SDK2: variants seen among roughly 807,000 people sequenced by gnomAD.
SDK2 encodes sidekick cell adhesion molecule 2, also known as protein sidekick-2.
SDK2 carries 105 observed loss-of-function variants against 253.9 expected under a neutral mutation model. The ratio of observed to expected loss-of-function variants is 0.41; its 90% CI spans 0.35 to 0.49. The LOEUF is 0.49. Ranked by LOEUF, SDK2 falls within the 20% of genes least tolerant of loss-of-function variation. SDK2 has a pLI of 0.06. For synonymous variants in SDK2, 1,249 were observed against 1,234.9 expected, an observed-to-expected ratio of 1.01 and a Z score of -0.24; for missense variants, 2,608 against 3,003.0, an observed-to-expected ratio of 0.87 and a Z score of 3.07.
intron 41 of SDK2, among the ~76,000 whole-genome samples, chr17:73,351,530 G>A (rs1296447360): frequency 6.6e-6 from 1 of 152,218 alleles, no homozygotes; most frequent in Non-Finnish European, 1.5e-5. Flanking sequence ...CTGAGGTTTA[G>A]TTTGGAGTGA....
chr17:73,497,865 C>T (rs144048976), intron 2 of SDK2, among the ~76,000 whole-genome samples: 1 of 152,332 alleles, frequency 6.6e-6, no homozygotes, highest in Non-Finnish European at 1.5e-5. Flanking sequence ...AACGCCCCTA[C>T]TTGATCTCGC....
Position 73,383,806 on chromosome 17 carries a change from C to G in SDK2, c.4705+70G>C. On this transcript the variant is annotated intron_variant, in intron 33 of 44. Coordinates refer to ENST00000392650, the MANE Select transcript of SDK2 (RefSeq NM_001144952.2). This position sits in a 1 kb window ranked among gnomAD's most constrained non-coding sequence, Gnocchi z 4.3. Reference sequence around the variant, plus strand: ...TAGAGTGGTTCCAGGAAGCTGAGAGCTCCAGAGCGGGAAGGTGAGGGTGAC... The same window carrying G: ...TAGAGTGGTTCCAGGAAGCTGAGAGGTCCAGAGCGGGAAGGTGAGGGTGAC... 1 of 1,591,054 alleles carries G rather than the reference C, an allele frequency of 6.3e-7. No homozygotes were observed. Among genetic ancestry groups the G allele is most frequent in the Non-Finnish European group, 8.6e-7 (1 of 1,163,162 alleles).
At chr17:73,599,566 A>AAGGGGAGAGGGAAAAGAGG (rs1311123409) in intron 1 of SDK2, among the ~76,000 whole-genome samples, 5 of 151,634 alleles carry the variant, frequency 3.3e-5, no homozygotes, top group African/African-American at 4.8e-5. Context: ...AATAAAAATA[A>AAGGGGAGAGGGAAAAGAGG]AGGGGAGAGG....
intron 43 of SDK2, 57 bp from the exon 44 acceptor site, chr17:73,348,782 T>TGGCCTAGGGA: frequency 6.6e-7 from 1 of 1,523,066 alleles, no homozygotes; most frequent in Non-Finnish European, 8.9e-7. Flanking sequence ...CGGCCTCCCC[T>TGGCCTAGGGA]GGCCTAGGGA....
intron 2 of SDK2, among the ~76,000 whole-genome samples, chr17:73,479,510 C>T (rs933443118): frequency 3.9e-5 from 6 of 152,104 alleles, no homozygotes; most frequent in Non-Finnish European, 8.8e-5. Flanking sequence ...TTCAGGAAAT[C>T]GGGCAAAACT....
At chr17:73,525,255 C>G (rs943197065) in intron 1 of SDK2, among the ~76,000 whole-genome samples, 1 of 152,168 alleles carries the variant, frequency 6.6e-6, no homozygotes, top group Non-Finnish European at 1.5e-5. Flanking sequence ...GCCCCAGAAG[C>G]AGCCCTCGAG....
intron 3 of SDK2, among the ~76,000 whole-genome samples, chr17:73,464,255 T>C (rs1481347270): frequency 1.3e-5 from 2 of 152,126 alleles, no homozygotes; most frequent in African/African-American, 4.8e-5. Context: ...GCGGAGATAA[T>C]TGAATCATGG....
intron 4 of SDK2, among the ~76,000 whole-genome samples, chr17:73,449,200 C>T (rs938457504): frequency 6.6e-6 from 1 of 152,138 alleles, no homozygotes; most frequent in African/African-American, 2.4e-5. Flanking sequence ...GAGCCAGAAG[C>T]GCCACCCACA....
intron 3 of SDK2, among the ~76,000 whole-genome samples, chr17:73,468,436 T>A (rs1488411974): frequency 6.6e-6 from 1 of 152,180 alleles, no homozygotes; most frequent in Non-Finnish European, 1.5e-5. Flanking sequence ...GTCCAGTCAC[T>A]TCCCTGGGGT....
chr17:73,589,507 A>G (rs1313051923), intron 1 of SDK2, among the ~76,000 whole-genome samples: 1 of 152,258 alleles, frequency 6.6e-6, no homozygotes, highest in Non-Finnish European at 1.5e-5. Flanking sequence ...CACTTCCAGC[A>G]GCGTGAAGCT....
chr17:73,378,608 T>C (rs1391439510), intron 36 of SDK2, among the ~76,000 whole-genome samples: 1 of 151,844 alleles, frequency 6.6e-6, no homozygotes, highest in Non-Finnish European at 1.5e-5. Context: ...TTAGTAGAGA[T>C]GGGGTTTCAC....
intron 1 of SDK2, among the ~76,000 whole-genome samples, chr17:73,542,942 G>A (rs1344268177): frequency 2.6e-5 from 4 of 152,174 alleles, no homozygotes; most frequent in Admixed American, 6.5e-5. Context: ...CCTGGAGAGC[G>A]AGACTCGGAT....
chr17:73,565,476 C>A (rs1316106568), intron 1 of SDK2, among the ~76,000 whole-genome samples: 1 of 152,122 alleles, frequency 6.6e-6, no homozygotes, highest in Non-Finnish European at 1.5e-5. Context: ...AAATGTGATC[C>A]CTACACAATA....
intron 1 of SDK2, among the ~76,000 whole-genome samples, chr17:73,598,299 CCT>C (rs2045788687): frequency 1.3e-5 from 2 of 152,192 alleles, no homozygotes; most frequent in African/African-American, 2.4e-5. Context: ...ACGCTAACCC[CCT>C]GTCCTCCTGG....
intron 2 of SDK2, among the ~76,000 whole-genome samples, chr17:73,479,226 G>A (rs778503662): frequency 3.3e-5 from 5 of 152,250 alleles, no homozygotes; most frequent in Non-Finnish European, 5.9e-5. Flanking sequence ...GCCAACACAG[G>A]TTCCAGGAAC....
At chr17:73,427,904 T>C (rs1227008203) in intron 12 of SDK2, among the ~76,000 whole-genome samples, 1 of 152,158 alleles carries the variant, frequency 6.6e-6, no homozygotes, top group Non-Finnish European at 1.5e-5. Context: ...TTCAAGAGAA[T>C]AAAAAGAGAA....
At chr17:73,380,854 G>A in intron 34 of SDK2, 40 bp downstream of exon 34, 2 of 1,536,402 alleles carry the variant, frequency 1.3e-6, no homozygotes, top group Non-Finnish European at 8.8e-7. Context: ...CCCCTGCGAG[G>A]CCTGGGCCCG....
chr17:73,467,056 G>A lies in SDK2; in HGVS notation c.331+5056C>T, dbSNP rs765265537. On this transcript the variant is annotated intron_variant, in intron 3 of 44. Transcript: ENST00000392650. The surrounding 1 kb of genome is among the most constrained non-coding windows in gnomAD (Gnocchi z 4.1). ...CTGTGTAGGTACTTTTCATCTACTCGTCCTGCTGAGAGCAAGGAAAACGAT... is the reference window on the plus strand; with the variant it reads ...CTGTGTAGGTACTTTTCATCTACTCATCCTGCTGAGAGCAAGGAAAACGAT... 2.0e-5 allele frequency among the ~76,000 whole-genome samples: 3 copies of A among 152,028 alleles called. No homozygotes were observed. The highest frequency in any genetic ancestry group is 4.4e-5 in the Non-Finnish European group (3 of 68,024).
chr17:73,551,807 C>T (rs1263203444), intron 1 of SDK2, among the ~76,000 whole-genome samples: 3 of 152,182 alleles, frequency 2.0e-5, no homozygotes, highest in South Asian at 4.1e-4. Context: ...CAGACCACCC[C>T]ACCCCGCTGC....
Sources: allele counts gnomAD v4.1 joint callset (sites outside exome capture counted in the v4.1 genomes callset), GRCh38; gene constraint gnomAD v4.1.1; non-coding constraint Gnocchi (gnomAD v3.1); transcripts MANE v1.5; gene names NCBI Gene and HGNC (gene_info 2026-07-23, HGNC 2026-07-21).